Variants in PDSS2 observed in about 807,000 individuals in gnomAD.
PDSS2 encodes the protein all trans-polyprenyl-diphosphate synthase PDSS2.
PDSS2 carries 31 observed loss-of-function variants against 44.5 expected under a neutral mutation model. That is an observed-to-expected ratio of 0.70 (90% CI 0.52 to 0.94). The LOEUF is 0.94. PDSS2 is among the 40% of genes least tolerant of loss of function. The probability of loss-of-function intolerance (pLI) is 0.00; values close to 1 mark genes in which losing one functional copy is unlikely to be tolerated. For synonymous variants in PDSS2, 157 were observed against 180.3 expected (o/e 0.87, Z 1.03); for missense variants, 452 against 482.2 (o/e 0.94, Z 0.59).
chr6:107,433,732 C>T (rs1436545755), intron 1 of PDSS2, among the ~76,000 whole-genome samples: 1 of 152,062 alleles, frequency 6.6e-6, no homozygotes, highest in Non-Finnish European at 1.5e-5. Context: ...GAATAATGTC[C>T]CAAAAAGCAC....
chr6:107,159,622 G>C (rs1485303589), intron 7 of PDSS2, among the ~76,000 whole-genome samples: 3 of 151,652 alleles, frequency 2.0e-5, no homozygotes, highest in Non-Finnish European at 4.4e-5. Flanking sequence ...GTTTCACCGT[G>C]TTAGCCAGGA....
At chr6:107,416,755 G>A (rs901537708) in intron 1 of PDSS2, among the ~76,000 whole-genome samples, 1 of 152,128 alleles carries the variant, frequency 6.6e-6, no homozygotes. Flanking sequence ...CACAAGTCCC[G>A]AAACTTCTTA....
At chr6:107,411,309 T>C (rs889655971) in intron 1 of PDSS2, among the ~76,000 whole-genome samples, 1 of 152,236 alleles carries the variant, frequency 6.6e-6, no homozygotes, top group South Asian at 2.1e-4. Flanking sequence ...AGTGCATTTG[T>C]ACTTTTGACA....
At chr6:107,369,946 G>A (rs1779081007) in intron 1 of PDSS2, among the ~76,000 whole-genome samples, 1 of 151,800 alleles carries the variant, frequency 6.6e-6, no homozygotes, top group Admixed American at 6.6e-5. Context: ...CAGGGCTGCA[G>A]TTTCTTTTGT....
At chr6:107,246,030 A>G (rs1322006560) in intron 3 of PDSS2, among the ~76,000 whole-genome samples, 1 of 151,958 alleles carries the variant, frequency 6.6e-6, no homozygotes, top group Non-Finnish European at 1.5e-5. Context: ...CTTATTACAG[A>G]AAAAAAAGCA....
At chr6:107,325,889 T>C (rs1405806992) in intron 2 of PDSS2, among the ~76,000 whole-genome samples, 1 of 152,188 alleles carries the variant, frequency 6.6e-6, no homozygotes, top group East Asian at 1.9e-4. Context: ...TGAAGAGTTA[T>C]TTTTTGTGCA....
At chr6:107,172,788 T>C (rs1190423418) in intron 7 of PDSS2, among the ~76,000 whole-genome samples, 3 of 151,354 alleles carry the variant, frequency 2.0e-5, no homozygotes, top group Non-Finnish European at 4.4e-5. Flanking sequence ...TTTTTCTTCT[T>C]CTTTTTTTTT....
At chr6:107,241,470 C>T (rs1489754133) in intron 4 of PDSS2, among the ~76,000 whole-genome samples, 2 of 150,880 alleles carry the variant, frequency 1.3e-5, no homozygotes, top group African/African-American at 4.9e-5. Context: ...CCTCAGCCTC[C>T]CGAGTAGCTG....
At chr6:107,456,978 C>T (rs1448615228) in intron 1 of PDSS2, among the ~76,000 whole-genome samples, 3 of 152,114 alleles carry the variant, frequency 2.0e-5, no homozygotes, top group Admixed American at 1.3e-4. Flanking sequence ...TAGGCTTATT[C>T]GTTTCATTAA....
chr6:107,220,108 T>TA (rs1235362081), intron 4 of PDSS2, among the ~76,000 whole-genome samples: 1 of 141,062 alleles, frequency 7.1e-6, no homozygotes, highest in Non-Finnish European at 1.5e-5. Context: ...ATGAGGGACC[T>TA]TATAGGGGTG....
At chr6:107,304,516 T>C (rs2115080704) in intron 2 of PDSS2, among the ~76,000 whole-genome samples, 1 of 152,302 alleles carries the variant, frequency 6.6e-6, no homozygotes, top group East Asian at 1.9e-4. Context: ...TAGATTCACA[T>C]CCCAGCTATT....
chr6:107,282,556 CT>C (rs1427410678), intron 2 of PDSS2, among the ~76,000 whole-genome samples: 3 of 151,826 alleles, frequency 2.0e-5, no homozygotes, highest in Admixed American at 2.0e-4. Flanking sequence ...CCATACCTGG[CT>C]GCTTTTTTTT....
chr6:107,370,311 T>C (rs1272508507), intron 1 of PDSS2, among the ~76,000 whole-genome samples: 2 of 152,208 alleles, frequency 1.3e-5, no homozygotes, highest in Non-Finnish European at 2.9e-5. Flanking sequence ...TATTAGGATA[T>C]GTTTCAGTGA....
chr6:107,251,894 CAAGAT>C (rs1449060848), intron 3 of PDSS2, among the ~76,000 whole-genome samples: 1 of 152,054 alleles, frequency 6.6e-6, no homozygotes, highest in African/African-American at 2.4e-5. Context: ...TTTATATTGC[CAAGAT>C]AAGGTATAGA....
intron 7 of PDSS2, among the ~76,000 whole-genome samples, chr6:107,164,618 A>T (rs1554247231): frequency 1.3e-5 from 2 of 152,174 alleles, no homozygotes; most frequent in Admixed American, 1.3e-4. Flanking sequence ...ATAGTGCCGC[A>T]ATAAACATAC....
chr6:107,189,612 C>T (rs1442255387), intron 7 of PDSS2, among the ~76,000 whole-genome samples: 1 of 152,204 alleles, frequency 6.6e-6, no homozygotes, highest in Non-Finnish European at 1.5e-5. Flanking sequence ...GCTGCGATTA[C>T]AGGTGTGAGC....
chr6:107,456,736 T>C (rs1350646410), intron 1 of PDSS2, among the ~76,000 whole-genome samples: 1 of 152,118 alleles, frequency 6.6e-6, no homozygotes, highest in African/African-American at 2.4e-5. Flanking sequence ...AGAGATAGGG[T>C]TTTGCTATGT....
At chr6:107,354,418 T>C (rs1349581648) in intron 1 of PDSS2, among the ~76,000 whole-genome samples, 3 of 152,212 alleles carry the variant, frequency 2.0e-5, no homozygotes, top group Admixed American at 1.3e-4. Flanking sequence ...AAATTGCTGT[T>C]TAAAAATCAG....
At chr6:107,168,705 G>C (rs1264097556) in intron 7 of PDSS2, among the ~76,000 whole-genome samples, 2 of 151,040 alleles carry the variant, frequency 1.3e-5, no homozygotes, top group African/African-American at 4.9e-5. Flanking sequence ...TTGCTTGTCT[G>C]TAAAGGATTT....
Sources: allele counts gnomAD v4.1 joint callset (sites outside exome capture counted in the v4.1 genomes callset), GRCh38; gene constraint gnomAD v4.1.1; transcripts MANE v1.5; gene names NCBI Gene and HGNC (gene_info 2026-07-23, HGNC 2026-07-21).